Variants in PDGFRB observed in about 807,000 individuals in gnomAD.
PDGFRB encodes platelet derived growth factor receptor beta, also known as platelet-derived growth factor receptor beta.
A neutral mutation model predicts 120.2 loss-of-function variants in PDGFRB; 42 were observed. The ratio of observed to expected loss-of-function variants is 0.35; its 90% confidence interval spans 0.27 to 0.45. The LOEUF (loss-of-function observed/expected upper bound fraction) is 0.45. Ranked by LOEUF, PDGFRB falls within the 20% of genes least tolerant of loss-of-function variation. The pLI, the probability that PDGFRB is intolerant of heterozygous loss-of-function variation, is 1.00. For synonymous variants in PDGFRB, 586 were observed against 606.8 expected, an observed-to-expected ratio of 0.97 and a Z score of 0.50; for missense variants, 1,149 against 1,476.3, an observed-to-expected ratio of 0.78 and a Z score of 3.63.
In PDGFRB at chr5:150,115,724, G is replaced by A. The variant is rs2229561; in HGVS notation, c.*39C>T. 3.5e-5 allele frequency: 54 copies of A among 1,524,170 alleles called. No homozygotes were observed. Among genetic ancestry groups the A allele is most frequent in the Middle Eastern group, 4.9e-4 (2 of 4,096 alleles). 94.4% of individuals were successfully genotyped at this position (1,524,170 alleles called of 1,614,324 possible). On this transcript the variant is annotated 3_prime_UTR_variant, in exon 23 of 23. Coordinates refer to ENST00000261799, the MANE Select transcript of PDGFRB (RefSeq NM_002609.4). The stretch of plus-strand genomic sequence containing the variant: ...GCCAGGAGATGCTGGGTGCTGGCAG[G>A]GGGGGAGCTTCAGGCAGGGCAGGGT...
chr5:150,126,738 T>A (rs1760305647), intron 10 of PDGFRB, 124 bp from the exon 11 acceptor site: 1 of 684,730 alleles, frequency 1.5e-6, no homozygotes, highest in South Asian at 1.6e-5. Context: ...CACCTCCCCA[T>A]CAGCCTGCAG....
intron 1 of PDGFRB, 52 bp from the exon 2 acceptor site, chr5:150,137,105 G>A (rs2113915176): frequency 6.7e-7 from 1 of 1,490,476 alleles, no homozygotes; most frequent in South Asian, 1.2e-5. Flanking sequence ...GCAGCGACAG[G>A]GGCTATCTCA....
chr5:150,121,100 C>A lies in PDGFRB; in HGVS notation c.2464-90G>T. 6.7e-7 allele frequency: 1 copy of A among 1,485,458 alleles called. No homozygotes were observed. Among genetic ancestry groups the A allele is most frequent in the Non-Finnish European group, 9.4e-7 (1 of 1,063,264 alleles). The allele number at this position is 1,485,458 out of a possible 1,614,324, so 92.0% of individuals were successfully genotyped here. On this transcript the variant is annotated intron_variant, in intron 17 of 22. Transcript: ENST00000261799. The surrounding 1 kb of genome is among the most constrained non-coding windows in gnomAD (Gnocchi z 4.1). ...AGGGCTTTGGGAAAATACAACACTG[C>A]CCATGTGCGAGAGGCCACCCTGGTG...
intron 3 of PDGFRB, among the ~76,000 whole-genome samples, chr5:150,135,290 G>A (rs1029237817): frequency 1.3e-5 from 2 of 152,200 alleles, no homozygotes; most frequent in African/African-American, 4.8e-5. Flanking sequence ...GGGATGTGGG[G>A]TCAAGAGGGA....
chr5:150,119,252 T>C (rs1399733331), intron 20 of PDGFRB, among the ~76,000 whole-genome samples: 6 of 152,194 alleles, frequency 3.9e-5, no homozygotes, highest in African/African-American at 1.2e-4. Context: ...ATTTGGGCAA[T>C]GCTGGCCTGA....
intron 4 of PDGFRB, 53 bp downstream of exon 4, chr5:150,134,697 T>G: frequency 6.6e-7 from 1 of 1,526,238 alleles, no homozygotes; most frequent in Non-Finnish European, 8.9e-7. Context: ...GCTATTCCTC[T>G]GTGGAGGGTT....
chr5:150,136,428 G>A (rs953284202), intron 2 of PDGFRB, among the ~76,000 whole-genome samples: 6 of 152,140 alleles, frequency 3.9e-5, no homozygotes, highest in Admixed American at 6.5e-5. Context: ...CCCCCTCCAC[G>A]ACATCCCCTG....
rs1243977314 is a variant in PDGFRB, at chr5:150,132,732, G to A, written c.1127+18C>T. 5.6e-6 allele frequency: 9 copies of A among 1,605,658 alleles called. No homozygotes were observed. The East Asian group carries it at 1.3e-4, about 24-fold the overall frequency. The stretch of plus-strand genomic sequence containing the variant: ...GAAAAATAACTTCAAGAATGGGATG[G>A]GAGAGCGAGCTGCTCACCGGGTCTC... On this transcript the variant is annotated intron_variant, in intron 7 of 22. Transcript: ENST00000261799. The surrounding 1 kb of genome is among the most constrained non-coding windows in gnomAD (Gnocchi z 5.0).
intron 22 of PDGFRB, 68 bp downstream of exon 22, chr5:150,117,534 GCGCGCGCGCGCACACA>G (rs1409946085): frequency 3.9e-4 from 255 of 646,158 alleles, no homozygotes; most frequent in Middle Eastern, 8.9e-4. Context: ...GGCAGCGCGC[GCGCGCGCGCGCACACA>G]CACACACACA....
At chr5:150,145,971 C>G (rs1206460295) in intron 1 of PDGFRB, among the ~76,000 whole-genome samples, 2 of 152,220 alleles carry the variant, frequency 1.3e-5, no homozygotes, top group Non-Finnish European at 2.9e-5. Flanking sequence ...GTCTTTTGAG[C>G]TGGGTAAAGC....
chr5:150,114,598 C>G lies in PDGFRB; in HGVS notation c.*1165G>C, dbSNP rs1759865198. ...AAGTCAAGGCCTGTGCAGCTGTGTT[C>G]TTGAGACTTGCTGGGGGCCTGGGGA... is the stretch of plus-strand genomic sequence containing the variant. On this transcript the variant is annotated 3_prime_UTR_variant, in exon 23 of 23. Transcript: ENST00000261799. The G allele has an allele frequency of 8.6e-6, 2 of 233,476 alleles. No homozygotes were observed. Among genetic ancestry groups the G allele is most frequent in the East Asian group, 1.2e-4 (2 of 16,552 alleles). The allele number at this position is 233,476 out of a possible 1,614,324, so 14.5% of individuals were successfully genotyped here.
chr5:150,133,710 G>A lies in PDGFRB; in HGVS notation c.810C>T (p.Tyr270=), dbSNP rs1760542740. ...GGATGTGCAGGATGGAGCGGATGTG[G>A]TAAGGCATATCCAAGAGGAAGTCAG... ...PVTDFLLDMP[Y]HIRSILHIPS... Residue 270 remains tyrosine, a synonymous_variant, in exon 6 of 23, where the codon TAC becomes TAT. Transcript: ENST00000261799. The A allele has an allele frequency of 1.2e-6, 2 of 1,613,994 alleles. No individual in the cohort carries two copies. Among genetic ancestry groups the A allele is most frequent in the Admixed American group, 1.7e-5 (1 of 60,008 alleles).
chr5:150,135,648 T>C lies in PDGFRB; in HGVS notation c.271A>G (p.Thr91Ala), dbSNP rs1170328754. The change falls in exon 3 of 23, where the codon ACT becomes GCT. Residue 91 changes from threonine to alanine, a missense_variant. Coordinates refer to ENST00000261799, the MANE Select transcript of PDGFRB (RefSeq NM_002609.4). ...FSSVLTLTNLTGLDTGEYFCT... is the reference protein window; with the variant it reads ...FSSVLTLTNLAGLDTGEYFCT... Reference sequence around the variant, plus strand: ...AAGTATTCTCCCGTGTCTAGCCCAGTGAGGTTGGTCAGTGTGAGCACGCTG... The same window carrying C: ...AAGTATTCTCCCGTGTCTAGCCCAGCGAGGTTGGTCAGTGTGAGCACGCTG... 6.2e-7 allele frequency: 1 copy of C among 1,612,066 alleles called. No homozygotes were observed. Among genetic ancestry groups the C allele is most frequent in the Non-Finnish European group, 8.5e-7 (1 of 1,178,290 alleles).
intron 1 of PDGFRB, among the ~76,000 whole-genome samples, chr5:150,148,295 T>A (rs1372851981): frequency 1.3e-5 from 2 of 152,224 alleles, no homozygotes; most frequent in Non-Finnish European, 2.9e-5. Context: ...CTTCCTAATA[T>A]GGAATTAGGC....
In PDGFRB at chr5:150,130,528, G is replaced by A. The variant is rs762725601; in HGVS notation, c.1367+11C>T. 6.2e-7 allele frequency: 1 copy of A among 1,612,206 alleles called. No individual in the cohort carries two copies. The highest frequency in any genetic ancestry group is 1.1e-5 in the South Asian group (1 of 90,884). On this transcript the variant is annotated intron_variant, in intron 9 of 22. Transcript: ENST00000261799. Reference sequence around the variant, plus strand: ...GGGGACACTGGGAGACTGAGGCCCAGGTCTGCTCACCTTTTGAGGTCTCTG... The same window carrying A: ...GGGGACACTGGGAGACTGAGGCCCAAGTCTGCTCACCTTTTGAGGTCTCTG...
chr5:150,129,251 A>C (rs950804516), intron 10 of PDGFRB, among the ~76,000 whole-genome samples: 1 of 152,214 alleles, frequency 6.6e-6, no homozygotes, highest in Non-Finnish European at 1.5e-5. Context: ...ATACAGACAT[A>C]CACTGTGGGG....
chr5:150,128,595 TA>T (rs1580803546), intron 10 of PDGFRB, among the ~76,000 whole-genome samples: 1 of 152,374 alleles, frequency 6.6e-6, no homozygotes, highest in East Asian at 1.9e-4. Context: ...TTTTCATTTC[TA>T]GGAACTCATT....
At chr5:150,126,460 G>T in intron 11 of PDGFRB, 60 bp downstream of exon 11, 1 of 923,842 alleles carries the variant, frequency 1.1e-6, no homozygotes, top group Non-Finnish European at 1.8e-6. Context: ...GCAGAGGGGT[G>T]GAATTTATGC....
intron 4 of PDGFRB, 127 bp downstream of exon 4, chr5:150,134,623 C>T (rs1310774013): frequency 7.0e-6 from 6 of 853,978 alleles, no homozygotes; most frequent in African/African-American, 1.7e-5. Context: ...ACACTATCTT[C>T]CTTCGAAGGC....
Sources: allele counts gnomAD v4.1 joint callset (sites outside exome capture counted in the v4.1 genomes callset), GRCh38; gene constraint gnomAD v4.1.1; non-coding constraint Gnocchi (gnomAD v3.1); transcripts MANE v1.5; gene names NCBI Gene and HGNC (gene_info 2026-07-23, HGNC 2026-07-21).